Variants in DOK5 observed in about 807,000 individuals in gnomAD.
DOK5 encodes the protein downstream of tyrosine kinase 5.
Under a neutral mutation model 43.3 loss-of-function variants are expected in DOK5, and 27 were observed. That is an observed-to-expected ratio of 0.62 (90% CI 0.46 to 0.86). DOK5 has a LOEUF of 0.86. Ranked by LOEUF, DOK5 falls within the 40% of genes least tolerant of loss-of-function variation. DOK5 has a pLI of 0.00. For missense variants in DOK5, 373 were observed against 392.9 expected (o/e 0.95, Z 0.43); for synonymous variants, 146 against 140.1 (o/e 1.04, Z -0.30).
chr20:54,566,420 C>T (rs1176925865), intron 2 of DOK5, among the ~76,000 whole-genome samples: 2 of 152,152 alleles, frequency 1.3e-5, no homozygotes, highest in Non-Finnish European at 2.9e-5. Context: ...CCCCTCCTCT[C>T]CATTTCTGGG....
chr20:54,496,480 A>G (rs1423974501), intron 1 of DOK5, among the ~76,000 whole-genome samples: 1 of 152,194 alleles, frequency 6.6e-6, no homozygotes, highest in Non-Finnish European at 1.5e-5. Context: ...TTGAGAAGAA[A>G]AAAAGAGCTG....
chr20:54,643,443 T>TC lies in DOK5; in HGVS notation c.736-12dup. ...CAGTGTTGCTGACGCACAACTTTCT[T>TC]CCCTTTGGCTGCAGCTCCAGATGAA... On this transcript the variant is annotated splice_polypyrimidine_tract_variant and intron_variant, in intron 6 of 7. Transcript: ENST00000262593. 6.2e-7 allele frequency: 1 copy of TC among 1,612,694 alleles called. No individual in the cohort carries two copies. The highest frequency in any genetic ancestry group is 8.5e-7 in the Non-Finnish European group (1 of 1,179,780).
chr20:54,612,532 T>G (rs118043334), intron 6 of DOK5, among the ~76,000 whole-genome samples: 175 of 152,302 alleles, frequency 1.1e-3, no homozygotes, highest in South Asian at 5.2e-3. Context: ...CCCTCTGCTA[T>G]GTGAGTGGGC....
chr20:54,585,554 T>A (rs1985776013), intron 2 of DOK5, among the ~76,000 whole-genome samples: 1 of 152,176 alleles, frequency 6.6e-6, no homozygotes, highest in Non-Finnish European at 1.5e-5. Context: ...TACCTCCACC[T>A]CAATTTTTAA....
At chr20:54,623,256 GC>G (rs1006690556) in intron 6 of DOK5, among the ~76,000 whole-genome samples, 1 of 152,074 alleles carries the variant, frequency 6.6e-6, no homozygotes, top group Non-Finnish European at 1.5e-5. Context: ...GCTTAGGACA[GC>G]CCCCCTGCCC....
chr20:54,641,371 G>C (rs1979101977), intron 6 of DOK5, among the ~76,000 whole-genome samples: 2 of 151,978 alleles, frequency 1.3e-5, no homozygotes. Context: ...GAACTACAAT[G>C]AGTTTTGGTC....
At chr20:54,549,965 A>C (rs183237401) in intron 1 of DOK5, among the ~76,000 whole-genome samples, 3 of 152,282 alleles carry the variant, frequency 2.0e-5, no homozygotes, top group East Asian at 3.9e-4. Flanking sequence ...GGTGGTGGAA[A>C]TATTTCAAGG....
intron 1 of DOK5, among the ~76,000 whole-genome samples, chr20:54,505,209 G>A (rs1161535635): frequency 1.3e-5 from 2 of 152,100 alleles, no homozygotes; most frequent in African/African-American, 4.8e-5. Context: ...GATTAAATCA[G>A]GGGTTGGTAA....
At chr20:54,650,279 T>C (rs755684977) in intron 7 of DOK5, 136 bp from the exon 8 acceptor site, 2 of 703,418 alleles carry the variant, frequency 2.8e-6, no homozygotes, top group South Asian at 1.8e-5. Flanking sequence ...TTACATATCA[T>C]CCTGAGAGGC....
At chr20:54,561,713 TG>T (rs1461417154) in intron 2 of DOK5, among the ~76,000 whole-genome samples, 2 of 152,232 alleles carry the variant, frequency 1.3e-5, no homozygotes, top group Admixed American at 6.5e-5. Context: ...TGGAGTGCAA[TG>T]GTGCGATCTC....
chr20:54,601,875 C>T (rs1052458780), intron 5 of DOK5, among the ~76,000 whole-genome samples: 3 of 152,238 alleles, frequency 2.0e-5, no homozygotes, highest in Non-Finnish European at 2.9e-5. Flanking sequence ...TAAAGCTGAT[C>T]CTTTTCTTAG....
chr20:54,484,030 G>A lies in DOK5; in HGVS notation c.66+8018G>A, dbSNP rs146136303. Among the ~76,000 whole-genome samples, 45 of 152,312 alleles carry A rather than the reference G, an allele frequency of 3.0e-4. No individual in the cohort carries two copies. In the East Asian group the frequency reaches 8.5e-3, roughly 29 times the overall value. ...CAGCTTGTATGAGATTCTTAGAGAA[G>A]TCTGGTCCTCCCTGCCCCAGCCTCT... On this transcript the variant is annotated intron_variant, in intron 1 of 7. Transcript: ENST00000262593.
chr20:54,516,262 G>A (rs1568762952), intron 1 of DOK5, among the ~76,000 whole-genome samples: 1 of 152,054 alleles, frequency 6.6e-6, no homozygotes, highest in Non-Finnish European at 1.5e-5. Flanking sequence ...ATTACAGTAA[G>A]AAAAAAATAT....
At chr20:54,529,887 A>G (rs760805337) in intron 1 of DOK5, among the ~76,000 whole-genome samples, 3 of 152,234 alleles carry the variant, frequency 2.0e-5, no homozygotes, top group African/African-American at 4.8e-5. Flanking sequence ...TCTATGTTGT[A>G]GCATGCATTA....
At chr20:54,539,866 A>G (rs1436002076) in intron 1 of DOK5, among the ~76,000 whole-genome samples, 1 of 152,230 alleles carries the variant, frequency 6.6e-6, no homozygotes, top group Non-Finnish European at 1.5e-5. Context: ...ATGCAACAAT[A>G]ACTAACTGAT....
intron 6 of DOK5, among the ~76,000 whole-genome samples, chr20:54,623,333 TAGAC>T (rs1379364938): frequency 6.6e-6 from 1 of 152,142 alleles, no homozygotes; most frequent in Admixed American, 6.5e-5. Flanking sequence ...GCTCTTCTGA[TAGAC>T]AGGTTCTGCT....
At chr20:54,534,390 T>C (rs112449526) in intron 1 of DOK5, among the ~76,000 whole-genome samples, 6 of 152,198 alleles carry the variant, frequency 3.9e-5, no homozygotes, top group Non-Finnish European at 7.3e-5. Flanking sequence ...GGTTTTGCCC[T>C]GTTGTCCAGG....
chr20:54,487,455 G>A (rs533358481), intron 1 of DOK5, among the ~76,000 whole-genome samples: 4 of 152,094 alleles, frequency 2.6e-5, no homozygotes, highest in Middle Eastern at 3.4e-3. Context: ...ATTTAAAAAA[G>A]CAAAGTAACT....
At chr20:54,555,772 T>C (rs1984690534) in intron 2 of DOK5, among the ~76,000 whole-genome samples, 1 of 152,240 alleles carries the variant, frequency 6.6e-6, no homozygotes, top group Admixed American at 6.5e-5. Flanking sequence ...GAAGGAACTA[T>C]GCTTATTTTT....
Sources: gnomAD v4.1 joint callset for allele counts (sites outside exome capture counted in the v4.1 genomes callset) on GRCh38, gnomAD v4.1.1 for gene constraint, MANE v1.5 for transcripts, NCBI Gene and HGNC (gene_info 2026-07-23, HGNC 2026-07-21) for gene names.